Variants in OTOGL observed in about 807,000 individuals in gnomAD.
OTOGL encodes the protein otogelin like.
A neutral mutation model predicts 318.5 loss-of-function variants in OTOGL; 285 were observed. That is an observed-to-expected ratio of 0.89 (90% CI 0.81 to 0.99). The LOEUF (loss-of-function observed/expected upper bound fraction) is 0.99, where lower values mean the gene tolerates loss of function less well. OTOGL is among the 50% of genes least tolerant of loss of function. OTOGL has a pLI of 0.00. For synonymous variants in OTOGL, 987 were observed against 936.5 expected, an observed-to-expected ratio of 1.05 and a Z score of -0.99; for missense variants, 2,899 against 2,845.6, an observed-to-expected ratio of 1.02 and a Z score of -0.43.
intron 18 of OTOGL, among the ~76,000 whole-genome samples, chr12:80,259,741 C>T (rs1882372741): frequency 6.6e-6 from 1 of 152,126 alleles, no homozygotes; most frequent in Non-Finnish European, 1.5e-5. Context: ...CATAGTACCA[C>T]ATTTTCTTTA....
chr12:80,305,798 TTTTC>T, intron 29 of OTOGL, 103 bp downstream of exon 29: 2 of 965,850 alleles, frequency 2.1e-6, no homozygotes, highest in Non-Finnish European at 2.8e-6. Flanking sequence ...TTACATACTA[TTTTC>T]ATAGTAATTT....
At chr12:80,187,641 A>G (rs959409498) in intron 1 of OTOGL, among the ~76,000 whole-genome samples, 1 of 152,154 alleles carries the variant, frequency 6.6e-6, no homozygotes. Context: ...ATTATAAATA[A>G]CTGGAAAGCT....
chr12:80,364,780 A>G (rs1890428581), intron 52 of OTOGL, among the ~76,000 whole-genome samples: 1 of 152,096 alleles, frequency 6.6e-6, no homozygotes, highest in Non-Finnish European at 1.5e-5. Flanking sequence ...ATTCCATTGT[A>G]TGGATATACC....
At chr12:80,190,723 C>CT (rs1875623610) in intron 1 of OTOGL, among the ~76,000 whole-genome samples, 1 of 135,902 alleles carries the variant, frequency 7.4e-6, no homozygotes, top group African/African-American at 2.9e-5. Flanking sequence ...AGAGGCGGAG[C>CT]TTGCAGTGAG....
At chr12:80,128,305 C>T (rs1226388108) in intron 1 of OTOGL, among the ~76,000 whole-genome samples, 1 of 152,232 alleles carries the variant, frequency 6.6e-6, no homozygotes, top group Non-Finnish European at 1.5e-5. Context: ...TGGAGGTCCA[C>T]TCCAGACCCT....
At chr12:80,115,650 C>T (rs546475735) in intron 1 of OTOGL, among the ~76,000 whole-genome samples, 16 of 152,248 alleles carry the variant, frequency 1.1e-4, no homozygotes, top group South Asian at 2.1e-4. Flanking sequence ...TTCCTACAGC[C>T]GTTGCTTCCC....
At chr12:80,288,360 C>T (rs1338899411) in intron 26 of OTOGL, among the ~76,000 whole-genome samples, 2 of 152,090 alleles carry the variant, frequency 1.3e-5, no homozygotes, top group African/African-American at 4.8e-5. Flanking sequence ...CTTGGAGAAT[C>T]TGAGGATTAT....
At chr12:80,103,204 C>T in intron 1 of OTOGL, 4 of 1,412,890 alleles carry the variant, frequency 2.8e-6, no homozygotes, top group South Asian at 1.1e-5. Flanking sequence ...ATGGATCGCT[C>T]GTTGTACTTC....
At chr12:80,266,641 G>A (rs370805615) in intron 21 of OTOGL, 25 bp downstream of exon 21, 26 of 1,598,272 alleles carry the variant, frequency 1.6e-5, no homozygotes, top group Non-Finnish European at 2.2e-5. Flanking sequence ...CAGGTTGGCA[G>A]CATCCTGTTT....
chr12:80,226,903 C>T (rs1208264274), intron 7 of OTOGL, among the ~76,000 whole-genome samples: 2 of 152,112 alleles, frequency 1.3e-5, no homozygotes, highest in Non-Finnish European at 1.5e-5. Flanking sequence ...ATTTAAAAAT[C>T]ACTTTCAGAA....
chr12:80,341,916 T>G (rs1460440801), intron 43 of OTOGL, 32 bp from the exon 44 acceptor site: 11 of 1,477,904 alleles, frequency 7.4e-6, no homozygotes, highest in African/African-American at 1.4e-5. Context: ...AGTTTAAGTT[T>G]TTTTCTTCTA....
At chr12:80,357,228 C>A (rs1889963098) in intron 49 of OTOGL, among the ~76,000 whole-genome samples, 1 of 152,104 alleles carries the variant, frequency 6.6e-6, no homozygotes, top group Non-Finnish European at 1.5e-5. Flanking sequence ...GAAGAACCAA[C>A]TTGAATAATG....
chr12:80,353,603 A>G, intron 46 of OTOGL, 93 bp downstream of exon 46: 1 of 996,424 alleles, frequency 1.0e-6, no homozygotes. Flanking sequence ...ACAAAGGTTT[A>G]TCAAAGACAG....
intron 1 of OTOGL, among the ~76,000 whole-genome samples, chr12:80,199,160 C>G (rs1327824135): frequency 6.6e-6 from 1 of 152,176 alleles, no homozygotes; most frequent in African/African-American, 2.4e-5. Context: ...CTTTGCTATA[C>G]CCACATCCCA....
rs1305357865 is a variant in OTOGL at position 80,341,982 on chromosome 12, G to A, written c.5085G>A (p.Arg1695=). 2 of 1,608,424 alleles carry A rather than the reference G, an allele frequency of 1.2e-6. No homozygotes were observed. Among genetic ancestry groups the A allele is most frequent in the African/African-American group, 1.3e-5 (1 of 74,962 alleles). The change falls in exon 44 of 59, where the codon AGG becomes AGA. Residue 1695 remains arginine (R), a synonymous_variant. Transcript: ENST00000547103. ...ATGAAGATCCGGATGATGATCTAAG[G>A]ATGCAAAATGGCACAATTATTACAA... ...ICNEDPDDDL[R]MQNGTIITNM... is the part of the protein sequence containing the mutation.
chr12:80,179,510 G>A (rs1209133791), intron 1 of OTOGL, among the ~76,000 whole-genome samples: 1 of 152,172 alleles, frequency 6.6e-6, no homozygotes, highest in African/African-American at 2.4e-5. Context: ...AACTCCAAAG[G>A]GGATAAAGAG....
In OTOGL at chr12:80,146,326, T is replaced by C. The variant is rs1187443165; in HGVS notation, c.-20+46721T>C. Among the ~76,000 whole-genome samples the C allele has an allele frequency of 2.7e-5, 4 of 147,566 alleles. No homozygotes were observed. In the East Asian group the frequency reaches 7.7e-4, roughly 28 times the overall value. On this transcript the variant is annotated intron_variant, in intron 1 of 58. Coordinates refer to ENST00000547103, the MANE Select transcript of OTOGL (RefSeq NM_001378609.3). ...ATCTATTGAGATAATCATGTGGTTTTTGTCTTTGGCTCGGTTTATATGCTG... is the reference window on the plus strand; with the variant it reads ...ATCTATTGAGATAATCATGTGGTTTCTGTCTTTGGCTCGGTTTATATGCTG...
intron 1 of OTOGL, among the ~76,000 whole-genome samples, chr12:80,125,323 T>C (rs1011976457): frequency 6.6e-6 from 1 of 152,372 alleles, no homozygotes; most frequent in Non-Finnish European, 1.5e-5. Context: ...TGGTTCTGTT[T>C]ATATGCTGGA....
intron 7 of OTOGL, among the ~76,000 whole-genome samples, chr12:80,223,025 C>T (rs1878501115): frequency 6.6e-6 from 1 of 151,862 alleles, no homozygotes; most frequent in Non-Finnish European, 1.5e-5. Context: ...AGTCTTTTAC[C>T]CCTCATCACC....
Sources: gnomAD v4.1 joint callset for allele counts (sites outside exome capture counted in the v4.1 genomes callset) on GRCh38, gnomAD v4.1.1 for gene constraint, MANE v1.5 for transcripts, NCBI Gene and HGNC (gene_info 2026-07-23, HGNC 2026-07-21) for gene names.